NRXN3: variants seen among roughly 807,000 people sequenced by gnomAD.
NRXN3 encodes the protein neurexin III.
NRXN3 carries 32 observed loss-of-function variants against 137.6 expected under a neutral mutation model. The observed-to-expected ratio is 0.23, with a 90% CI of 0.18 to 0.31. The LOEUF is 0.31. Among genes scored for constraint, NRXN3 ranks in the 10% least tolerant of loss-of-function variants. The pLI is 1.00. For synonymous variants in NRXN3, 798 were observed against 784.5 expected (o/e 1.02, Z -0.29); for missense variants, 1,574 against 2,062.5 (o/e 0.76, Z 4.59).
At chr14:79,237,844 A>G (rs1286545041) in intron 15 of NRXN3, among the ~76,000 whole-genome samples, 1 of 152,158 alleles carries the variant, frequency 6.6e-6, no homozygotes. Flanking sequence ...GTGATCTTGC[A>G]CAGGTCCATT....
intron 15 of NRXN3, among the ~76,000 whole-genome samples, chr14:79,413,741 T>C (rs2095453921): frequency 6.6e-6 from 1 of 152,028 alleles, no homozygotes; most frequent in South Asian, 2.1e-4. Flanking sequence ...TAATAAGTCA[T>C]AGGAATGAAA....
chr14:79,474,123 T>C (rs924084983), intron 16 of NRXN3, among the ~76,000 whole-genome samples: 1 of 152,132 alleles, frequency 6.6e-6, no homozygotes, highest in African/African-American at 2.4e-5. Context: ...TGGATTTGAG[T>C]TCCATTTTTC....
chr14:78,611,975 T>C (rs1330226761), intron 4 of NRXN3, among the ~76,000 whole-genome samples: 1 of 152,208 alleles, frequency 6.6e-6, no homozygotes, highest in Non-Finnish European at 1.5e-5. Flanking sequence ...TTACCTCCTA[T>C]TGCATCATTA....
intron 6 of NRXN3, among the ~76,000 whole-genome samples, chr14:78,659,965 A>G (rs2097823195): frequency 6.6e-6 from 1 of 152,142 alleles, no homozygotes; most frequent in Non-Finnish European, 1.5e-5. Flanking sequence ...GTTTGGACCC[A>G]TAACATACAG....
chr14:78,999,263 G>A (rs905637024), intron 15 of NRXN3, among the ~76,000 whole-genome samples: 2 of 151,958 alleles, frequency 1.3e-5, no homozygotes, highest in African/African-American at 2.4e-5. Context: ...ATTTAACTGA[G>A]TTTTTTTGGA....
At chr14:79,843,011 C>A (rs1161374235) in intron 20 of NRXN3, among the ~76,000 whole-genome samples, 2 of 152,106 alleles carry the variant, frequency 1.3e-5, no homozygotes, top group Admixed American at 6.5e-5. Flanking sequence ...TGGCTTATTT[C>A]TCTTAGCATA....
At chr14:78,591,588 G>A (rs999440214) in intron 4 of NRXN3, among the ~76,000 whole-genome samples, 3 of 152,150 alleles carry the variant, frequency 2.0e-5, no homozygotes, top group Non-Finnish European at 4.4e-5. Flanking sequence ...TCTATGATGC[G>A]ATGTTTCTGT....
chr14:78,828,986 T>G (rs1002256990), intron 10 of NRXN3, among the ~76,000 whole-genome samples: 14 of 152,174 alleles, frequency 9.2e-5, no homozygotes, highest in African/African-American at 3.4e-4. Context: ...CATTTGATAC[T>G]TGAATGATGA....
intron 15 of NRXN3, among the ~76,000 whole-genome samples, chr14:79,251,941 C>G (rs1478032313): frequency 6.6e-6 from 1 of 151,808 alleles, no homozygotes; most frequent in Admixed American, 6.6e-5. Context: ...ACTTGAGCTT[C>G]ACAAGTAGCT....
intron 16 of NRXN3, among the ~76,000 whole-genome samples, chr14:79,620,014 C>T (rs2098205144): frequency 6.6e-6 from 1 of 152,054 alleles, no homozygotes; most frequent in African/African-American, 2.4e-5. Flanking sequence ...CTTAAATATT[C>T]ATGGGAGGCT....
intron 1 of NRXN3, among the ~76,000 whole-genome samples, chr14:78,205,732 C>A (rs532695558): frequency 6.6e-6 from 1 of 152,212 alleles, no homozygotes; most frequent in Non-Finnish European, 1.5e-5. Context: ...AAGGGCCTTG[C>A]CTGCCAGGCC....
chr14:78,235,764 C>G (rs543501827), intron 1 of NRXN3, among the ~76,000 whole-genome samples: 3 of 152,140 alleles, frequency 2.0e-5, no homozygotes, highest in South Asian at 4.1e-4. Flanking sequence ...CCTTCTTTTT[C>G]CTAAAGGGTA....
intron 15 of NRXN3, among the ~76,000 whole-genome samples, chr14:79,091,942 C>T (rs762373574): frequency 1.3e-5 from 2 of 151,904 alleles, no homozygotes; most frequent in African/African-American, 2.4e-5. Context: ...GCAACTAAAC[C>T]AACACGTAGA....
At chr14:78,513,765 G>A (rs1019377376) in intron 4 of NRXN3, among the ~76,000 whole-genome samples, 1 of 152,064 alleles carries the variant, frequency 6.6e-6, no homozygotes, top group Non-Finnish European at 1.5e-5. Context: ...AATACCTGGT[G>A]TTCAGGATTA....
At chr14:79,235,977 C>T (rs997133156) in intron 15 of NRXN3, among the ~76,000 whole-genome samples, 1 of 152,002 alleles carries the variant, frequency 6.6e-6, no homozygotes, top group African/African-American at 2.4e-5. Flanking sequence ...TCTGAAGACC[C>T]CAAACACCAG....
intron 4 of NRXN3, among the ~76,000 whole-genome samples, chr14:78,378,395 G>C (rs1207559718): frequency 6.6e-6 from 1 of 150,794 alleles, no homozygotes; most frequent in Non-Finnish European, 1.5e-5. Context: ...TGAGGTGAGA[G>C]AATCGCTTGA....
intron 15 of NRXN3, among the ~76,000 whole-genome samples, chr14:79,123,224 T>C (rs1196037494): frequency 6.6e-6 from 1 of 151,852 alleles, no homozygotes; most frequent in Admixed American, 6.6e-5. Context: ...TGCGTGTGTG[T>C]GTGCGCGCGT....
At chr14:78,185,107 C>T (rs1465403389) in intron 1 of NRXN3, among the ~76,000 whole-genome samples, 4 of 152,186 alleles carry the variant, frequency 2.6e-5, no homozygotes, top group South Asian at 4.1e-4. Context: ...ATCTATTGGA[C>T]ACTTCCTTTG....
intron 15 of NRXN3, among the ~76,000 whole-genome samples, chr14:79,235,872 A>C (rs189014947): frequency 7.2e-5 from 11 of 152,270 alleles, no homozygotes; most frequent in Admixed American, 2.0e-4. Flanking sequence ...ATTGGGTTAA[A>C]AAAAAGAATT....
Sources: allele counts gnomAD v4.1 joint callset (sites outside exome capture counted in the v4.1 genomes callset), GRCh38; gene constraint gnomAD v4.1.1; transcripts MANE v1.5; gene names NCBI Gene and HGNC (gene_info 2026-07-23, HGNC 2026-07-21).